The following RIPOR3 variants were observed in gnomAD, a reference collection of about 807,000 sequenced individuals.
RIPOR3 encodes the protein RIPOR family member 3.
Under a neutral mutation model 114.3 loss-of-function variants are expected in RIPOR3, and 95 were observed. That is an observed-to-expected ratio of 0.83 (90% confidence interval 0.70 to 0.99). The LOEUF is 0.99. Among genes scored for constraint, RIPOR3 ranks in the 50% least tolerant of loss-of-function variants. The pLI is 0.00. For missense variants in RIPOR3, 1,252 were observed against 1,266.9 expected (o/e 0.99, Z 0.18); for synonymous variants, 575 against 543.8 (o/e 1.06, Z -0.80).
At chr20:50,592,591 T>G in intron 18 of RIPOR3, 45 bp from the exon 19 acceptor site, 1 of 1,408,186 alleles carries the variant, frequency 7.1e-7, no homozygotes. Context: ...TGAATGGGAG[T>G]TTGGCAGGAC....
intron 3 of RIPOR3, among the ~76,000 whole-genome samples, chr20:50,618,257 TGA>T (rs2084254929): frequency 9.3e-6 from 1 of 107,440 alleles, no homozygotes; most frequent in Non-Finnish European, 1.7e-5. Flanking sequence ...GGTGACAGAG[TGA>T]GACTCCGTCT....
At chr20:50,648,376 GA>G (rs1222426787) in intron 1 of RIPOR3, among the ~76,000 whole-genome samples, 5 of 151,772 alleles carry the variant, frequency 3.3e-5, no homozygotes, top group African/African-American at 1.2e-4. Flanking sequence ...TCAAACAAGG[GA>G]AACTTATTGT....
intron 1 of RIPOR3, among the ~76,000 whole-genome samples, chr20:50,675,406 C>A (rs1207996135): frequency 1.3e-5 from 2 of 152,202 alleles, no homozygotes; most frequent in Non-Finnish European, 2.9e-5. Context: ...TAAATCCTCA[C>A]AACAACTGTA....
At chr20:50,643,706 C>CTTTTTTTT (rs71190582) in intron 1 of RIPOR3, among the ~76,000 whole-genome samples, 3 of 134,966 alleles carry the variant, frequency 2.2e-5, no homozygotes, top group Non-Finnish European at 3.2e-5. Context: ...TTCTTTCTTT[C>CTTTTTTTT]TTTTTTTTTT....
intron 5 of RIPOR3, 84 bp from the exon 6 acceptor site, chr20:50,610,990 T>C: frequency 1.1e-6 from 1 of 916,738 alleles, no homozygotes; most frequent in Non-Finnish European, 1.5e-6. Flanking sequence ...CTCCTACAGG[T>C]CCTAACTCAG....
At chr20:50,668,565 T>C (rs2086339109) in intron 1 of RIPOR3, among the ~76,000 whole-genome samples, 1 of 152,020 alleles carries the variant, frequency 6.6e-6, no homozygotes, top group African/African-American at 2.4e-5. Flanking sequence ...TGCCTCAAAT[T>C]AGGGGAAATG....
intron 1 of RIPOR3, among the ~76,000 whole-genome samples, chr20:50,667,342 G>A (rs950124634): frequency 2.2e-5 from 3 of 136,526 alleles, no homozygotes; most frequent in Non-Finnish European, 4.6e-5. Context: ...TACCCAGGCT[G>A]GAGTGCAATG....
Position 50,593,717 on chromosome 20 carries a change from C to T in RIPOR3, c.2213-521G>A, listed in dbSNP as rs575519846. On this transcript the variant is annotated intron_variant, in intron 17 of 21. Transcript: ENST00000327979. ...AGACCGTGTTGGGTTCATCCCCATG[C>T]CCTGGGCCCCACACCACACCTGGAT... Among the ~76,000 whole-genome samples, 4 of 152,266 alleles carry T rather than the reference C, an allele frequency of 2.6e-5. No homozygotes were observed. In the East Asian group the frequency reaches 7.7e-4, roughly 29 times the overall value.
intron 1 of RIPOR3, among the ~76,000 whole-genome samples, chr20:50,640,729 C>G (rs1309187091): frequency 1.3e-5 from 2 of 152,022 alleles, no homozygotes; most frequent in Admixed American, 6.6e-5. Context: ...TGGGAGAACC[C>G]TGAGCTTCCT....
chr20:50,589,835 A>G (rs1568811930), intron 19 of RIPOR3, 66 bp from the exon 20 acceptor site: 2 of 1,470,288 alleles, frequency 1.4e-6, no homozygotes, highest in Admixed American at 1.9e-5. Context: ...TTCCGGGTCC[A>G]TCAGCCACCA....
At chr20:50,688,152 T>C (rs2087091791) in intron 1 of RIPOR3, among the ~76,000 whole-genome samples, 1 of 152,314 alleles carries the variant, frequency 6.6e-6, no homozygotes, top group South Asian at 2.1e-4. Flanking sequence ...TATTTGTTTA[T>C]GTATTTTTAT....
Position 50,660,858 on chromosome 20 carries a change from G to C in RIPOR3, c.4-30002C>G, listed in dbSNP as rs964158672. ...TAGGCTCGACCTCCTGGGCTCAAGGGATCCTCCCACCTCAGCACCCCCCAC... is the reference window on the plus strand; with the variant it reads ...TAGGCTCGACCTCCTGGGCTCAAGGCATCCTCCCACCTCAGCACCCCCCAC... On this transcript the variant is annotated intron_variant, in intron 1 of 21. Transcript: ENST00000327979. Among the ~76,000 whole-genome samples, 162 of 148,782 alleles carry C rather than the reference G, an allele frequency of 1.1e-3. 2 individuals carry two copies. Among genetic ancestry groups the C allele is most frequent in the Non-Finnish European group, 1.6e-4 (11 of 67,450 alleles).
chr20:50,651,090 G>A (rs1402465545), intron 1 of RIPOR3, among the ~76,000 whole-genome samples: 2 of 152,102 alleles, frequency 1.3e-5, no homozygotes, highest in Non-Finnish European at 2.9e-5. Flanking sequence ...TCCTGCCTCA[G>A]CCTCCTGTTG....
intron 1 of RIPOR3, chr20:50,636,851 T>C (rs1194622239): frequency 2.0e-6 from 2 of 985,302 alleles, no homozygotes; most frequent in Non-Finnish European, 2.4e-6. Context: ...AACCTGCAAT[T>C]TCACCTCATT....
In RIPOR3 at chr20:50,592,555, C is replaced by A. The variant is rs561766573; in HGVS notation, c.2375-9G>T. The stretch of plus-strand genomic sequence containing the variant: ...CTCCTCGATGAGTGTCACTAGAAGA[C>A]AGGAAAGAGGTGGGCCCAGGTCCCC... On this transcript the variant is annotated splice_polypyrimidine_tract_variant and intron_variant, in intron 18 of 21. Transcript: ENST00000327979. The A allele has an allele frequency of 1.3e-6, 2 of 1,510,922 alleles. No individual in the cohort carries two copies. The highest frequency in any genetic ancestry group is 1.3e-5 in the South Asian group (1 of 76,560). 93.6% of individuals were successfully genotyped at this position (1,510,922 alleles called of 1,614,324 possible).
At chr20:50,669,187 C>A (rs911046529) in intron 1 of RIPOR3, among the ~76,000 whole-genome samples, 1 of 152,166 alleles carries the variant, frequency 6.6e-6, no homozygotes, top group Non-Finnish European at 1.5e-5. Context: ...ATACACACTC[C>A]CCTCTTCACC....
Position 50,595,517 on chromosome 20 carries a change from C to G in RIPOR3, c.1915-13G>C, listed in dbSNP as rs761038526. 3.7e-6 allele frequency: 6 copies of G among 1,613,096 alleles called. No homozygotes were observed. In the African/African-American group the frequency reaches 8.0e-5, roughly 22 times the overall value. On this transcript the variant is annotated splice_polypyrimidine_tract_variant and intron_variant, in intron 15 of 21. Transcript: ENST00000327979. ...GGGAGGCCAGTTTCTGGGAAGCAGC[C>G]CAGATGCTCCAGATTAGCATGGAAC...
In RIPOR3 at chr20:50,609,341, C is replaced by T. The variant is rs750499906; in HGVS notation, c.592G>A (p.Glu198Lys). 27 of 1,613,752 alleles carry T rather than the reference C, an allele frequency of 1.7e-5. No individual in the cohort carries two copies. Among genetic ancestry groups the T allele is most frequent in the Non-Finnish European group, 1.9e-5 (22 of 1,179,834 alleles). Residue 198 changes from glutamate to lysine, a missense_variant, in exon 8 of 22, where the codon GAG becomes AAG. Physicochemically the swap from Glu to Lys is moderately conservative, Grantham distance 56 (BLOSUM62 1). Transcript: ENST00000327979. ...CCCAGGTGAACCTCCAGGGCCCCCT[C>T]GATGAGCCACATGTCCTGCAAAGCC... is the stretch of plus-strand genomic sequence containing the variant. ...HECAEDMWLIEGALEVHLGEF... is the reference protein window; with the variant it reads ...HECAEDMWLIKGALEVHLGEF...
rs182029833 is a variant in RIPOR3, at chr20:50,586,260, T to C, written c.*972A>G. 9.3e-4 allele frequency: 143 copies of C among 153,848 alleles called. No homozygotes were observed. Among genetic ancestry groups the C allele is most frequent in the Middle Eastern group, 3.4e-3 (1 of 296 alleles). The allele number at this position is 153,848 out of a possible 1,614,324, so 9.5% of individuals were successfully genotyped here. ...TTCAAGTTAAAGTTCTCCAATGCCA[T>C]TGCTACAGCAACCTCAAACCCTAGG... On this transcript the variant is annotated 3_prime_UTR_variant, in exon 22 of 22. Transcript: ENST00000327979.
Sources: gnomAD v4.1 joint callset for allele counts (sites outside exome capture counted in the v4.1 genomes callset) on GRCh38, gnomAD v4.1.1 for gene constraint, MANE v1.5 for transcripts, NCBI Gene and HGNC (gene_info 2026-07-23, HGNC 2026-07-21) for gene names.